Variants in HOXA3 observed in about 807,000 individuals in gnomAD.
HOXA3 encodes the protein homeobox A3.
A neutral mutation model predicts 30.3 loss-of-function variants in HOXA3; 8 were observed. The observed-to-expected ratio is 0.26, with a 90% CI of 0.15 to 0.48. The LOEUF (loss-of-function observed/expected upper bound fraction) is 0.48, where lower values mean the gene tolerates loss of function less well. Among genes scored for constraint, HOXA3 ranks in the 20% least tolerant of loss-of-function variants. The pLI, the probability that HOXA3 is intolerant of heterozygous loss-of-function variation, is 0.99. For missense variants in HOXA3, 653 were observed against 614.4 expected (o/e 1.06, Z -0.66); for synonymous variants, 323 against 273.1 (o/e 1.18, Z -1.80).
At chr7:27,109,831 C>T (rs1393438547) in intron 5 of HOXA3, among the ~76,000 whole-genome samples, 1 of 152,222 alleles carries the variant, frequency 6.6e-6, no homozygotes, top group African/African-American at 2.4e-5. Flanking sequence ...GAGGTCCTAA[C>T]TCCAAGAGTG....
chr7:27,129,057 C>T, intron 2 of HOXA3: 1 of 677,964 alleles, frequency 1.5e-6, no homozygotes, highest in Non-Finnish European at 2.6e-6. Context: ...GCAACCAGCA[C>T]AGACTCTTAA....
At chr7:27,142,010 T>A in intron 1 of HOXA3, 1 of 1,614,226 alleles carries the variant, frequency 6.2e-7, no homozygotes, top group Middle Eastern at 1.6e-4. Flanking sequence ...GAAGTGGAAC[T>A]CCTTCTCCAG....
chr7:27,140,782 T>A (rs915227850), intron 1 of HOXA3, among the ~76,000 whole-genome samples: 1 of 152,154 alleles, frequency 6.6e-6, no homozygotes, highest in Non-Finnish European at 1.5e-5. Context: ...TTGCTCTTTC[T>A]CTCTTTTTTG....
At chr7:27,141,509 AG>A (rs1299364298) in intron 1 of HOXA3, 1 of 236,678 alleles carries the variant, frequency 4.2e-6, no homozygotes, top group African/African-American at 2.4e-5. Flanking sequence ...ACGAGATTGA[AG>A]GGGGACTTTT....
chr7:27,108,407 CAT>C lies in HOXA3; in HGVS notation c.838_839del (p.Met280AlafsTer10). The C allele has an allele frequency of 1.2e-6, 2 of 1,610,476 alleles. No individual in the cohort carries two copies. The highest frequency in any genetic ancestry group is 3.3e-5 in the Admixed American group (2 of 59,932). On this transcript the variant is annotated frameshift_variant, in exon 6 of 6. Transcript: ENST00000612286. LOFTEE classifies it high-confidence loss of function. The surrounding 1 kb of genome is among the most constrained non-coding windows in gnomAD (Gnocchi z 5.0). ...PPGAGGYLNS[M>X]HSLVNSVPYE... ...ACGGGACGCTGTTGACCAGCGAATGCATAGAGTTCAGATAGCCACCGGCTCCG... is the reference window on the plus strand; with the variant it reads ...ACGGGACGCTGTTGACCAGCGAATGCAGAGTTCAGATAGCCACCGGCTCCG...
chr7:27,144,204 C>T (rs1782674348), intron 1 of HOXA3, among the ~76,000 whole-genome samples: 1 of 152,166 alleles, frequency 6.6e-6, no homozygotes, highest in African/African-American at 2.4e-5. Flanking sequence ...GACCGTCCTG[C>T]CAGCAGCTCT....
At chr7:27,124,252 C>T (rs1252688276) in intron 3 of HOXA3, 6 of 152,242 alleles carry the variant, frequency 3.9e-5, no homozygotes, top group African/African-American at 7.2e-5. Context: ...CTTGCTCCCT[C>T]GCTCGCCCGG....
rs1562710273 is a variant in HOXA3 at position 27,108,818 on chromosome 7, GT to G, written c.527-99del. 1 of 881,062 alleles carries G rather than the reference GT, an allele frequency of 1.1e-6. No individual in the cohort carries two copies. Among genetic ancestry groups the G allele is most frequent in the East Asian group, 2.6e-5 (1 of 38,416 alleles). The allele number at this position is 881,062 out of a possible 1,614,324, so 54.6% of individuals were successfully genotyped here. A position where few individuals can be genotyped will look rare whatever the true frequency, so the allele number is the denominator to read the frequency against. ...CCCCTCCTTCCACCAGGCCCCAAAG[GT>G]TCCTGCATCCGTCAGGTCCCAGAGA... On this transcript the variant is annotated intron_variant, in intron 5 of 5. Transcript: ENST00000612286. This position sits in a 1 kb window ranked among gnomAD's most constrained non-coding sequence, Gnocchi z 5.0.
At chr7:27,150,460 A>T (rs910951922) in intron 1 of HOXA3, 4 of 152,532 alleles carry the variant, frequency 2.6e-5, no homozygotes, top group Admixed American at 6.5e-5. Flanking sequence ...ACCTCGGTCC[A>T]GCCAGCTCGC....
rs938801173 is a variant in HOXA3 at position 27,107,525 on chromosome 7, T to TA, written c.*389dup. 1 of 166,706 alleles carries TA rather than the reference T, an allele frequency of 6.0e-6. No homozygotes were observed. The highest frequency in any genetic ancestry group is 2.4e-5 in the African/African-American group (1 of 41,998). 10.3% of individuals were successfully genotyped at this position (166,706 alleles called of 1,614,324 possible). On this transcript the variant is annotated 3_prime_UTR_variant, in exon 6 of 6. Coordinates refer to ENST00000612286, the MANE Select transcript of HOXA3 (RefSeq NM_153631.3). ...TGCAATTAAAAAAAAAATTTAAAAT[T>TA]AAAAAAAGTAATCGCTTCCCCTCGG...
rs1283640057 is a variant in HOXA3 at position 27,110,401 on chromosome 7, G to A, written c.240C>T (p.Ser80=). ...GCGGCTCTCCCAGGCTTGGAGGCTGGCTAGGTGGGGCGCTCAGGGTGCGCA... is the reference window on the plus strand; with the variant it reads ...GCGGCTCTCCCAGGCTTGGAGGCTGACTAGGTGGGGCGCTCAGGGTGCGCA... ...ACLRTLSAPP[S]QPPSLGEPPL... The change falls in exon 5 of 6, where the codon AGC becomes AGT. Residue 80 remains serine, a synonymous_variant. Coordinates refer to ENST00000612286, the MANE Select transcript of HOXA3 (RefSeq NM_153631.3). 3.3e-6 allele frequency: 5 copies of A among 1,533,494 alleles called. No individual in the cohort carries two copies. In the South Asian group the frequency reaches 6.1e-5, roughly 19 times the overall value. 95.0% of individuals were successfully genotyped at this position (1,533,494 alleles called of 1,614,324 possible).
chr7:27,108,734 G>C lies in HOXA3; in HGVS notation c.527-14C>G. The C allele has an allele frequency of 6.4e-7, 1 of 1,572,972 alleles. No individual in the cohort carries two copies. The highest frequency in any genetic ancestry group is 8.6e-7 in the Non-Finnish European group (1 of 1,158,310). ...CGCAGCTTTCGCCTGCGAGGACAGA[G>C]AGAGGAAGAGCGGCGTCAGGGGCTG... On this transcript the variant is annotated splice_polypyrimidine_tract_variant and intron_variant, in intron 5 of 5. Coordinates refer to ENST00000612286, the MANE Select transcript of HOXA3 (RefSeq NM_153631.3). The surrounding 1 kb of genome is among the most constrained non-coding windows in gnomAD (Gnocchi z 5.0).
chr7:27,130,016 C>A, intron 2 of HOXA3: 4 of 1,351,798 alleles, frequency 3.0e-6, no homozygotes. Flanking sequence ...GGGCTCCCCT[C>A]CCGAGGCCCC....
At position 27,113,054 on chromosome 7, in the gene HOXA3, C is replaced by T. The variant is rs1784466905; in HGVS notation, c.-120-2294G>A. Among the ~76,000 whole-genome samples the T allele has an allele frequency of 1.3e-5, 2 of 152,114 alleles. No individual in the cohort carries two copies. The highest frequency in any genetic ancestry group is 6.6e-5 in the Admixed American group (1 of 15,266). ...CATACATCCCCCCACCCCAACCCAG[C>T]CCCCAAAGTTTGCAACCTAGTAAAG... On this transcript the variant is annotated intron_variant, in intron 4 of 5. Coordinates refer to ENST00000612286, the MANE Select transcript of HOXA3 (RefSeq NM_153631.3). The surrounding 1 kb of genome is among the most constrained non-coding windows in gnomAD (Gnocchi z 4.8).
At chr7:27,151,446 C>G (rs1229640200) in intron 1 of HOXA3, 4 of 363,162 alleles carry the variant, frequency 1.1e-5, no homozygotes, top group South Asian at 7.9e-5. Context: ...ATCGCCCAGA[C>G]TCGGTTTGCG....
chr7:27,145,981 G>A lies in HOXA3; in HGVS notation c.-493-5795C>T, dbSNP rs969687645. 1.9e-6 allele frequency: 3 copies of A among 1,548,706 alleles called. No homozygotes were observed. In the African/African-American group the frequency reaches 4.1e-5, roughly 21 times the overall value. On this transcript the variant is annotated intron_variant, in intron 1 of 5. Coordinates refer to ENST00000612286, the MANE Select transcript of HOXA3 (RefSeq NM_153631.3). ...CTGGAGGGTTGACCCAGTCAGCCCA[G>A]TGCCTCCCACAAGAGGCACCCAGAC...
intron 1 of HOXA3, chr7:27,151,811 C>T (rs1782981176): frequency 2.5e-6 from 1 of 396,644 alleles, no homozygotes; most frequent in Non-Finnish European, 5.2e-6. Context: ...TCCCACCTTC[C>T]CAGGTCAAGG....
intron 1 of HOXA3, chr7:27,143,397 G>A (rs761081495): frequency 6.2e-7 from 1 of 1,606,976 alleles, no homozygotes; most frequent in South Asian, 1.1e-5. Flanking sequence ...GCGTAGCTGC[G>A]GGCGCGCTCT....
At chr7:27,130,982 C>G (rs1785537248) in intron 2 of HOXA3, among the ~76,000 whole-genome samples, 1 of 151,986 alleles carries the variant, frequency 6.6e-6, no homozygotes, top group African/African-American at 2.4e-5. Flanking sequence ...ATGGGCGCAC[C>G]GCGCGCGCGG....
Sources: allele counts gnomAD v4.1 joint callset (sites outside exome capture counted in the v4.1 genomes callset), GRCh38; gene constraint gnomAD v4.1.1; non-coding constraint Gnocchi (gnomAD v3.1); transcripts MANE v1.5; gene names NCBI Gene and HGNC (gene_info 2026-07-23, HGNC 2026-07-21).